The following LDLRAD4 variants were observed in gnomAD, a reference collection of about 807,000 sequenced individuals.
LDLRAD4 encodes the protein low density lipoprotein receptor class A domain containing 4.
In LDLRAD4, 5 loss-of-function variants were observed where a neutral mutation model predicts 17.0. The ratio of observed to expected loss-of-function variants is 0.29; its 90% CI spans 0.15 to 0.62. LDLRAD4 has a LOEUF of 0.62. Among genes scored for constraint, LDLRAD4 ranks in the 20% least tolerant of loss-of-function variants. The pLI is 0.84. For synonymous variants in LDLRAD4, 168 were observed against 171.8 expected, an observed-to-expected ratio of 0.98 and a Z score of 0.17; for missense variants, 340 against 424.7, an observed-to-expected ratio of 0.80 and a Z score of 1.75.
intron 3 of LDLRAD4, among the ~76,000 whole-genome samples, chr18:13,485,742 G>A (rs569259070): frequency 7.9e-5 from 12 of 152,312 alleles, no homozygotes; most frequent in African/African-American, 2.9e-4. Flanking sequence ...GCCTAGGAGC[G>A]GTGGCTCACG....
At chr18:13,533,875 T>C (rs1010627546) in intron 3 of LDLRAD4, among the ~76,000 whole-genome samples, 1 of 152,164 alleles carries the variant, frequency 6.6e-6, no homozygotes, top group Non-Finnish European at 1.5e-5. Flanking sequence ...CTTGCCCAGC[T>C]CTCCTACTTG....
intron 3 of LDLRAD4, among the ~76,000 whole-genome samples, chr18:13,593,038 C>T (rs1173053329): frequency 6.6e-6 from 1 of 152,196 alleles, no homozygotes; most frequent in African/African-American, 2.4e-5. Flanking sequence ...CCAGTCTTGG[C>T]TGGGCACAGT....
Position 13,645,598 on chromosome 18 carries a change from G to A in LDLRAD4, c.862G>A (p.Ala288Thr), listed in dbSNP as rs769038591. Residue 288 changes from alanine to threonine, a missense_variant, in exon 6 of 6, where the codon GCA becomes ACA. By Grantham distance (58) the Ala-to-Thr change is moderately conservative. Transcript: ENST00000359446. The surrounding 1 kb of genome is among the most constrained non-coding windows in gnomAD (Gnocchi z 5.7). ...CAGACTGCAGTTTCAGCAGAACAAT[G>A]CAGAGAGCACAATAGTACCCATCAA... 1.3e-6 allele frequency: 2 copies of A among 1,582,082 alleles called. No individual in the cohort carries two copies. Among genetic ancestry groups the A allele is most frequent in the South Asian group, 1.2e-5 (1 of 84,866 alleles).
chr18:13,540,346 G>T (rs1252745321), intron 3 of LDLRAD4, among the ~76,000 whole-genome samples: 2 of 152,230 alleles, frequency 1.3e-5, no homozygotes, highest in Non-Finnish European at 2.9e-5. Flanking sequence ...ATTTGTAAGG[G>T]CACTAATGTT....
intron 3 of LDLRAD4, among the ~76,000 whole-genome samples, chr18:13,445,112 C>G (rs1200867325): frequency 1.3e-5 from 2 of 152,190 alleles, no homozygotes; most frequent in Admixed American, 6.5e-5. Flanking sequence ...AGTGCTGCAG[C>G]CCTGGAGGGA....
chr18:13,317,057 T>C (rs1413135883), intron 1 of LDLRAD4, among the ~76,000 whole-genome samples: 1 of 152,078 alleles, frequency 6.6e-6, no homozygotes, highest in Non-Finnish European at 1.5e-5. Context: ...GAAGGCACGA[T>C]AGTGAAAGGA....
At chr18:13,318,848 C>T (rs944707617) in intron 1 of LDLRAD4, among the ~76,000 whole-genome samples, 3 of 152,170 alleles carry the variant, frequency 2.0e-5, no homozygotes, top group Non-Finnish European at 4.4e-5. Context: ...TTCCTGTCCA[C>T]GTTAGAAAAG....
In LDLRAD4 at chr18:13,589,461, C is replaced by G. The variant is rs79666596; in HGVS notation, c.182-31656C>G. Among the ~76,000 whole-genome samples, 226 of 152,266 alleles carry G rather than the reference C, an allele frequency of 1.5e-3. 6 individuals are homozygous for G. The East Asian group carries it at 0.025, about 17-fold the overall frequency. ...CAGGGAGAGACTGCAGGAGTTGCTT[C>G]TTATTTCTTGACCAGGGTTTCCGCT... is the stretch of plus-strand genomic sequence containing the variant. On this transcript the variant is annotated intron_variant, in intron 3 of 5. Coordinates refer to ENST00000359446, the Ensembl canonical transcript of LDLRAD4.
intron 2 of LDLRAD4, among the ~76,000 whole-genome samples, chr18:13,388,855 G>A (rs1407756534): frequency 2.0e-5 from 3 of 152,246 alleles, no homozygotes. Context: ...ACCTCCTGAG[G>A]CAGCTTGCAC....
At chr18:13,386,978 T>C (rs2085889013) in intron 1 of LDLRAD4, among the ~76,000 whole-genome samples, 1 of 152,044 alleles carries the variant, frequency 6.6e-6, no homozygotes, top group Admixed American at 6.5e-5. Flanking sequence ...GATAGATAGA[T>C]AGAATCACTT....
At chr18:13,348,274 T>C (rs1473677611) in intron 1 of LDLRAD4, among the ~76,000 whole-genome samples, 1 of 152,218 alleles carries the variant, frequency 6.6e-6, no homozygotes, top group African/African-American at 2.4e-5. Flanking sequence ...TTCTGTTTGT[T>C]AGTTTTCCTT....
chr18:13,441,911 G>T (rs1386797451), intron 3 of LDLRAD4, among the ~76,000 whole-genome samples: 1 of 152,180 alleles, frequency 6.6e-6, no homozygotes, highest in Non-Finnish European at 1.5e-5. Flanking sequence ...AAAGGGTTTT[G>T]CATGGACGTG....
At chr18:13,595,944 T>C (rs2095090154) in intron 3 of LDLRAD4, among the ~76,000 whole-genome samples, 1 of 152,238 alleles carries the variant, frequency 6.6e-6, no homozygotes. Flanking sequence ...CCTTGTTGTT[T>C]TATCTATTAT....
chr18:13,559,787 C>T (rs1427112281), intron 3 of LDLRAD4, among the ~76,000 whole-genome samples: 1 of 152,192 alleles, frequency 6.6e-6, no homozygotes, highest in African/African-American at 2.4e-5. Flanking sequence ...AAATCACTGC[C>T]CCTCTCCTGG....
intron 4 of LDLRAD4, among the ~76,000 whole-genome samples, chr18:13,625,372 T>A (rs550477121): frequency 3.3e-5 from 5 of 152,054 alleles, no homozygotes; most frequent in Non-Finnish European, 5.9e-5. Context: ...GAGTTTTGGT[T>A]TGGAGGAGGA....
intron 3 of LDLRAD4, among the ~76,000 whole-genome samples, chr18:13,573,304 C>CT (rs2094718978): frequency 6.6e-6 from 1 of 151,708 alleles, no homozygotes; most frequent in South Asian, 2.1e-4. Flanking sequence ...GAAGTTTTGC[C>CT]TTGTAGGCCA....
intron 3 of LDLRAD4, among the ~76,000 whole-genome samples, chr18:13,597,647 C>G (rs1181209674): frequency 1.3e-5 from 2 of 152,110 alleles, no homozygotes; most frequent in African/African-American, 4.8e-5. Context: ...AGTGCACAGT[C>G]TTTATCAATC....
chr18:13,414,473 G>T (rs1236461471), intron 2 of LDLRAD4, among the ~76,000 whole-genome samples: 2 of 152,234 alleles, frequency 1.3e-5, no homozygotes, highest in Non-Finnish European at 2.9e-5. Context: ...TTTGATGCCA[G>T]GCTGTGGAAT....
intron 1 of LDLRAD4, among the ~76,000 whole-genome samples, chr18:13,294,439 G>A (rs1036963085): frequency 2.0e-5 from 3 of 152,236 alleles, no homozygotes; most frequent in African/African-American, 7.2e-5. Flanking sequence ...GATGAGGTCT[G>A]TGGTGGCTTA....
Sources: gnomAD v4.1 joint callset for allele counts (sites outside exome capture counted in the v4.1 genomes callset) on GRCh38, gnomAD v4.1.1 for gene constraint, Gnocchi (gnomAD v3.1) non-coding constraint, MANE v1.5 for transcripts, NCBI Gene and HGNC (gene_info 2026-07-23, HGNC 2026-07-21) for gene names.